Variants in ACACB observed in about 807,000 individuals in gnomAD.
The protein encoded by ACACB is acetyl-CoA carboxylase 2.
ACACB carries 209 observed loss-of-function variants against 278.8 expected under a neutral mutation model. That is an observed-to-expected ratio of 0.75 (90% confidence interval 0.67 to 0.84). ACACB has a LOEUF of 0.84. Among genes scored for constraint, ACACB ranks in the 40% least tolerant of loss-of-function variants. ACACB has a pLI of 0.00. For missense variants in ACACB, 2,850 were observed against 3,269.0 expected, an observed-to-expected ratio of 0.87 and a Z score of 3.13; for synonymous variants, 1,174 against 1,285.6, an observed-to-expected ratio of 0.91 and a Z score of 1.86.
Position 109,201,578 on chromosome 12 carries a change from G to T in ACACB, c.2790G>T (p.Met930Ile). The change falls in exon 19 of 53, where the codon ATG (methionine) becomes ATT (isoleucine). Residue 930 changes from methionine (M) to isoleucine (I), a missense_variant. Around this residue, in one of 3 missense-constraint regions of ACACB, gnomAD observed 2,265 missense variants for 2,561.3 expected, o/e 0.88. Transcript: ENST00000338432. The stretch of plus-strand genomic sequence containing the variant: ...TTTTTACGAAATAGGTGATGAAGAT[G>T]ATCATGACCCTGAACGTTCAGGAAA... ...SSYAEMEVMK[M>I]IMTLNVQERG... is the part of the protein sequence containing the mutation. 6.2e-7 allele frequency: 1 copy of T among 1,614,118 alleles called. No homozygotes were observed. Among genetic ancestry groups the T allele is most frequent in the Non-Finnish European group, 8.5e-7 (1 of 1,180,008 alleles).
Position 109,155,666 on chromosome 12 carries a change from C to T in ACACB, c.654-11195C>T, listed in dbSNP as rs186416156. Among the ~76,000 whole-genome samples, 4 of 149,760 alleles carry T rather than the reference C, an allele frequency of 2.7e-5. No homozygotes were observed. The East Asian group carries it at 7.9e-4, about 29-fold the overall frequency. On this transcript the variant is annotated intron_variant, in intron 2 of 52. Transcript: ENST00000338432. ...ACGTTCTGTAACTCACTTTTTCATT[C>T]AACATTAAGTATTTTTCTACCACTG... is the stretch of plus-strand genomic sequence containing the variant.
chr12:109,161,980 CT>C (rs373338646), intron 2 of ACACB, among the ~76,000 whole-genome samples: 278 of 139,636 alleles, frequency 2.0e-3, no homozygotes, highest in Middle Eastern at 3.6e-3. Context: ...ATGAAGTTCT[CT>C]TTTTTTTTTT....
chr12:109,217,955 G>A (rs945063418), intron 24 of ACACB, among the ~76,000 whole-genome samples: 4 of 152,190 alleles, frequency 2.6e-5, no homozygotes, highest in Non-Finnish European at 2.9e-5. Flanking sequence ...TTTAATTCAC[G>A]CAGCAGTCCT....
chr12:109,114,139 C>T (rs574520790), upstream of ACACB, among the ~76,000 whole-genome samples: 2 of 152,120 alleles, frequency 1.3e-5, no homozygotes, highest in Admixed American at 6.5e-5. Flanking sequence ...ACCACCATAC[C>T]TGGCTAAGTT....
At chr12:109,133,240 TTC>T (rs55987918) in intron 1 of ACACB, among the ~76,000 whole-genome samples, 6,506 of 147,496 alleles carry the variant, frequency 0.044, 308 homozygotes, top group African/African-American at 0.12. Flanking sequence ...GCACTTCTCT[TTC>T]TCTCTCTCTC....
chr12:109,165,061 G>A (rs2043854158), intron 2 of ACACB, among the ~76,000 whole-genome samples: 1 of 152,242 alleles, frequency 6.6e-6, no homozygotes, highest in Non-Finnish European at 1.5e-5. Flanking sequence ...GAAATTGAGG[G>A]CATCATTGTC....
chr12:109,150,367 G>C (rs982250471), intron 2 of ACACB, among the ~76,000 whole-genome samples: 3 of 152,190 alleles, frequency 2.0e-5, no homozygotes, highest in Non-Finnish European at 2.9e-5. Context: ...CCCAAGCCCT[G>C]GCCGGGCTTA....
chr12:109,127,797 A>ACTTGAT lies in ACACB; in HGVS notation c.-10+11094_-10+11095insTTGATC, dbSNP rs1593361729. Among the ~76,000 whole-genome samples the ACTTGAT allele has an allele frequency of 2.0e-5, 3 of 152,230 alleles. No individual in the cohort carries two copies. The East Asian group carries it at 5.8e-4, about 29-fold the overall frequency. ...GGGGAAGGCGAAGTTCTTGGATCAC[A>ACTTGAT]CCATGGGGTGTGCCTTTTCAAGTCT... On this transcript the variant is annotated intron_variant, in intron 1 of 52. Coordinates refer to ENST00000338432, the MANE Select transcript of ACACB (RefSeq NM_001093.4).
chr12:109,224,731 C>T (rs899924260), intron 27 of ACACB, among the ~76,000 whole-genome samples: 13 of 152,058 alleles, frequency 8.5e-5, no homozygotes, highest in African/African-American at 3.1e-4. Flanking sequence ...AGGGTTTCAC[C>T]ATGTTGGCCA....
At chr12:109,257,744 T>C (rs1002876192) in intron 45 of ACACB, among the ~76,000 whole-genome samples, 1 of 152,134 alleles carries the variant, frequency 6.6e-6, no homozygotes, top group Non-Finnish European at 1.5e-5. Flanking sequence ...CCAGTTTTTT[T>C]ATTTTTTGCA....
upstream of ACACB, among the ~76,000 whole-genome samples, chr12:109,115,515 C>T (rs548284558): frequency 8.5e-5 from 13 of 152,210 alleles, no homozygotes; most frequent in African/African-American, 3.1e-4. Flanking sequence ...TAAGAGCCAT[C>T]ACAAGGGCTA....
chr12:109,206,657 A>G (rs1431521123), intron 19 of ACACB, 53 bp from the exon 20 acceptor site: 5 of 1,607,638 alleles, frequency 3.1e-6, no homozygotes, highest in Non-Finnish European at 4.3e-6. Context: ...GCCCGGTCCC[A>G]TTTGGAATTC....
At chr12:109,130,262 A>G (rs2042789582) in intron 1 of ACACB, among the ~76,000 whole-genome samples, 1 of 152,180 alleles carries the variant, frequency 6.6e-6, no homozygotes, top group African/African-American at 2.4e-5. Flanking sequence ...CAGCCCAGCA[A>G]TGATGTAGGT....
At position 109,216,622 on chromosome 12, in the gene ACACB, C is replaced by T. The variant is rs150478780; in HGVS notation, c.3355C>T (p.Arg1119Cys). 18 of 1,613,886 alleles carry T rather than the reference C, an allele frequency of 1.1e-5. No homozygotes were observed. Among genetic ancestry groups the T allele is most frequent in the African/African-American group, 1.3e-5 (1 of 74,920 alleles). Residue 1119 changes from arginine (R) to cysteine (C), a missense_variant, in exon 23 of 53, where the codon CGC becomes TGC. Physicochemically the swap from Arg to Cys is radical, Grantham distance 180. This residue lies in a region of ACACB where 2,265 missense variants were observed against 2,561.3 expected (regional missense o/e 0.88). Transcript: ENST00000338432. ...GCAGCCTTCCCTTCTCCCCAGATAC[C>T]GCAGCGGGATCCGCGGCTATATGAA... ...QSIVQLVQRY[R>C]SGIRGYMKTV... is the part of the protein sequence containing the mutation.
intron 1 of ACACB, 122 bp from the exon 2 acceptor site, chr12:109,139,275 C>T: frequency 1.1e-6 from 1 of 884,622 alleles, no homozygotes; most frequent in South Asian, 1.8e-5. Context: ...CCCCATCTCT[C>T]CCCTCGTCCA....
At chr12:109,143,889 T>C (rs1451100625) in intron 2 of ACACB, among the ~76,000 whole-genome samples, 2 of 152,034 alleles carry the variant, frequency 1.3e-5, no homozygotes, top group African/African-American at 4.8e-5. Flanking sequence ...CATATCAAAA[T>C]GAGGCTGAGG....
At chr12:109,187,254 C>T (rs545421333) in intron 12 of ACACB, among the ~76,000 whole-genome samples, 3 of 152,216 alleles carry the variant, frequency 2.0e-5, no homozygotes, top group South Asian at 4.2e-4. Context: ...ATTTCTTCAC[C>T]TGCAGAGGTT....
At chr12:109,129,638 C>G (rs920778386) in intron 1 of ACACB, among the ~76,000 whole-genome samples, 2 of 152,246 alleles carry the variant, frequency 1.3e-5, no homozygotes, top group African/African-American at 4.8e-5. Flanking sequence ...CAGCCTGGTC[C>G]ATGCTGCTGA....
chr12:109,238,611 C>T (rs2046708034), intron 34 of ACACB, among the ~76,000 whole-genome samples: 1 of 149,028 alleles, frequency 6.7e-6, no homozygotes, highest in South Asian at 2.1e-4. Flanking sequence ...GTTGCCCAGG[C>T]TGGAGTGCAA....
Sources: allele counts gnomAD v4.1 joint callset (sites outside exome capture counted in the v4.1 genomes callset), GRCh38; gene constraint gnomAD v4.1.1; regional missense constraint gnomAD v4.1.1; transcripts MANE v1.5; gene names NCBI Gene and HGNC (gene_info 2026-07-23, HGNC 2026-07-21).